The following SKI variants were observed in gnomAD, a reference collection of about 807,000 sequenced individuals.
SKI encodes the protein SKI proto-oncogene, also known as ski oncogene.
In SKI, 23 loss-of-function variants were observed where a neutral mutation model predicts 59.3. That is an observed-to-expected ratio of 0.39 (90% CI 0.28 to 0.55). SKI has a LOEUF of 0.55. Ranked by LOEUF, SKI falls within the 20% of genes least tolerant of loss-of-function variation. SKI has a pLI of 0.67. For missense variants in SKI, 1,017 were observed against 1,038.9 expected (o/e 0.98, Z 0.29); for synonymous variants, 673 against 488.6 (o/e 1.38, Z -4.98).
chr1:2,301,037 A>G (rs1324765812), intron 1 of SKI, among the ~76,000 whole-genome samples: 1 of 152,194 alleles, frequency 6.6e-6, no homozygotes, highest in Non-Finnish European at 1.5e-5. Context: ...TCCCGGAGTC[A>G]GCGCCGGCTG....
intron 1 of SKI, among the ~76,000 whole-genome samples, chr1:2,237,190 C>G (rs945061631): frequency 6.6e-6 from 1 of 152,194 alleles, no homozygotes; most frequent in Non-Finnish European, 1.5e-5. Flanking sequence ...TGAGGACTGG[C>G]TGACCTCACC....
Position 2,303,933 on chromosome 1 carries a change from TGCC to T in SKI, c.1313_1315del (p.Ala438del). 1 of 1,611,840 alleles carries T rather than the reference TGCC, an allele frequency of 6.2e-7. No homozygotes were observed. Among genetic ancestry groups the T allele is most frequent in the Non-Finnish European group, 8.5e-7 (1 of 1,179,602 alleles). ...AGAAGGTTGTGAGCAGCCCTCCGTG[TGCC>T]GCCGCCGTCTCCCGGGCCCCCGAGC... On this transcript the variant is annotated inframe_deletion, in exon 4 of 7. Transcript: ENST00000378536. This position sits in a 1 kb window ranked among gnomAD's most constrained non-coding sequence, Gnocchi z 5.6.
intron 1 of SKI, among the ~76,000 whole-genome samples, chr1:2,275,514 G>T (rs1457512577): frequency 6.6e-5 from 10 of 152,052 alleles, no homozygotes; most frequent in Admixed American, 6.6e-4. Context: ...TTCCAGAGAC[G>T]TTTATCTGTT....
At chr1:2,279,040 C>T (rs1021915896) in intron 1 of SKI, among the ~76,000 whole-genome samples, 2 of 152,204 alleles carry the variant, frequency 1.3e-5, no homozygotes, top group African/African-American at 4.8e-5. Flanking sequence ...TCACTCTGGC[C>T]AGCTGCTCGG....
chr1:2,297,008 C>G (rs1640303129), intron 1 of SKI, among the ~76,000 whole-genome samples: 1 of 152,074 alleles, frequency 6.6e-6, no homozygotes, highest in Admixed American at 6.5e-5. Flanking sequence ...GGTGGCCTCC[C>G]TTGAAAATAC....
intron 1 of SKI, among the ~76,000 whole-genome samples, chr1:2,257,161 G>A (rs111666416): frequency 6.6e-6 from 1 of 152,252 alleles, no homozygotes; most frequent in African/African-American, 2.4e-5. Context: ...TTTGTGACTT[G>A]TGGATGCTGT....
At chr1:2,301,086 C>A (rs78849723) in intron 1 of SKI, among the ~76,000 whole-genome samples, 1 of 152,312 alleles carries the variant, frequency 6.6e-6, no homozygotes, top group Admixed American at 6.5e-5. Context: ...GCCGAATTTC[C>A]GCGCCCGCTT....
At chr1:2,274,098 C>T (rs1383873498) in intron 1 of SKI, among the ~76,000 whole-genome samples, 2 of 151,466 alleles carry the variant, frequency 1.3e-5, no homozygotes, top group East Asian at 1.9e-4. Flanking sequence ...AGCGCTCACA[C>T]AGGCACCTCC....
At chr1:2,248,556 C>T (rs116620201) in intron 1 of SKI, among the ~76,000 whole-genome samples, 1,853 of 152,236 alleles carry the variant, frequency 0.012, 47 homozygotes, top group African/African-American at 0.043. Context: ...CTGGCAGTGG[C>T]GGGGCCTGGA....
rs563153088 is a variant in SKI at position 2,295,076 on chromosome 1, C to T, written c.970-7902C>T. ...GGGCTTTAGAAGGTGAAAAACTAGG[C>T]TTCCAGAGGTGAAGTTGCACTGTGG... On this transcript the variant is annotated intron_variant, in intron 1 of 6. Coordinates refer to ENST00000378536, the MANE Select transcript of SKI (RefSeq NM_003036.4). 8.5e-5 allele frequency among the ~76,000 whole-genome samples: 13 copies of T among 152,364 alleles called. No individual in the cohort carries two copies. The South Asian group carries it at 2.7e-3, about 32-fold the overall frequency.
intron 1 of SKI, among the ~76,000 whole-genome samples, chr1:2,241,559 A>AT (rs146580874): frequency 2.0e-5 from 3 of 151,774 alleles, no homozygotes; most frequent in Admixed American, 6.6e-5. Context: ...TGCCCGGCTA[A>AT]TTTTTTTGTG....
At chr1:2,236,697 G>A (rs1277034375) in intron 1 of SKI, among the ~76,000 whole-genome samples, 1 of 152,142 alleles carries the variant, frequency 6.6e-6, no homozygotes, top group Non-Finnish European at 1.5e-5. Context: ...GAGCCATTGC[G>A]CCTGGCCATT....
chr1:2,232,655 C>CTGCA (rs1638664268), intron 1 of SKI: 1 of 152,528 alleles, frequency 6.6e-6, no homozygotes, highest in African/African-American at 2.4e-5. Flanking sequence ...ACCATGTGGG[C>CTGCA]TGCATGGGTG....
At chr1:2,301,278 TC>T (rs1307494815) in intron 1 of SKI, among the ~76,000 whole-genome samples, 1 of 151,974 alleles carries the variant, frequency 6.6e-6, no homozygotes, top group Non-Finnish European at 1.5e-5. Flanking sequence ...AACACTCACT[TC>T]CCCTCGAAAG....
At chr1:2,287,437 C>T (rs549648733) in intron 1 of SKI, among the ~76,000 whole-genome samples, 76 of 151,052 alleles carry the variant, frequency 5.0e-4, no homozygotes, top group African/African-American at 1.3e-3. Flanking sequence ...CCCGGGTTCA[C>T]GCCATTCTCC....
intron 1 of SKI, among the ~76,000 whole-genome samples, chr1:2,278,454 G>A (rs893741601): frequency 5.3e-5 from 8 of 152,212 alleles, no homozygotes; most frequent in African/African-American, 1.9e-4. Context: ...GGTCCCTTGG[G>A]TCTGTCCCTC....
At chr1:2,230,408 C>T (rs868182990) in intron 1 of SKI, among the ~76,000 whole-genome samples, 1 of 152,288 alleles carries the variant, frequency 6.6e-6, no homozygotes, top group Middle Eastern at 3.4e-3. Context: ...GGGACCAAAT[C>T]CCAGAGTCCG....
At chr1:2,233,038 A>T (rs1178616983) in intron 1 of SKI, among the ~76,000 whole-genome samples, 1 of 152,146 alleles carries the variant, frequency 6.6e-6, no homozygotes, top group African/African-American at 2.4e-5. Context: ...AGACGGAGAC[A>T]AAATGTGGCA....
Position 2,285,828 on chromosome 1 carries a change from A to G in SKI, c.970-17150A>G, listed in dbSNP as rs765748672. On this transcript the variant is annotated intron_variant, in intron 1 of 6. Coordinates refer to ENST00000378536, the MANE Select transcript of SKI (RefSeq NM_003036.4). ...TGATCTGCTCATCTGGACCTCCTAA[A>G]GTGCTGGGATTACAGGCGTGAGCCA... Among the ~76,000 whole-genome samples the G allele has an allele frequency of 5.9e-4, 89 of 149,596 alleles. 1 individual carries two copies. Among genetic ancestry groups the G allele is most frequent in the Non-Finnish European group, 1.1e-3 (73 of 67,642 alleles).
Sources: allele counts gnomAD v4.1 joint callset (sites outside exome capture counted in the v4.1 genomes callset), GRCh38; gene constraint gnomAD v4.1.1; non-coding constraint Gnocchi (gnomAD v3.1); transcripts MANE v1.5; gene names NCBI Gene and HGNC (gene_info 2026-07-23, HGNC 2026-07-21).